Variants in PPP6R2 observed in about 807,000 individuals in gnomAD.
The protein encoded by PPP6R2 is serine/threonine-protein phosphatase 6 regulatory subunit 2.
A neutral mutation model predicts 100.2 loss-of-function variants in PPP6R2; 62 were observed. The observed-to-expected ratio is 0.62, with a 90% confidence interval of 0.50 to 0.76. The LOEUF (loss-of-function observed/expected upper bound fraction) is 0.76. Ranked by LOEUF, PPP6R2 falls within the 30% of genes least tolerant of loss-of-function variation. The probability of loss-of-function intolerance (pLI) is 0.00; values close to 1 mark genes in which losing one functional copy is unlikely to be tolerated. For synonymous variants in PPP6R2, 525 were observed against 514.7 expected (o/e 1.02, Z -0.27); for missense variants, 1,142 against 1,276.3 (o/e 0.89, Z 1.60).
chr22:50,336,231 AC>A, the PPP6R2 span, among the ~76,000 whole-genome samples: 3 of 151,808 alleles, frequency 2.0e-5, no homozygotes, highest in Admixed American at 2.0e-4. Context: ...CTCATGATCC[AC>A]CCACCTCGGC....
chr22:50,365,088 T>C (rs76987017), intron 1 of PPP6R2, among the ~76,000 whole-genome samples: 1 of 129,468 alleles, frequency 7.7e-6, no homozygotes, highest in East Asian at 2.1e-4. Flanking sequence ...TTTTTTTTTT[T>C]GAGACGGAGT....
At chr22:50,378,447 G>C (rs1420740343) in intron 2 of PPP6R2, among the ~76,000 whole-genome samples, 1 of 151,960 alleles carries the variant, frequency 6.6e-6, no homozygotes, top group Non-Finnish European at 1.5e-5. Context: ...TTAGCCAGAC[G>C]TGGTGGTGCA....
At chr22:50,357,197 G>A (rs1008612648) in intron 1 of PPP6R2, among the ~76,000 whole-genome samples, 8 of 152,060 alleles carry the variant, frequency 5.3e-5, no homozygotes, top group Non-Finnish European at 8.8e-5. Context: ...ATCTATTCAT[G>A]CTTTTACCCA....
At position 50,356,305 on chromosome 22, in the gene PPP6R2, CTTTTTT is replaced by C. The variant is rs542422707; in HGVS notation, c.-148+12767_-148+12772del. ...ACACAGAATGTACAGTCTATTTTTC[CTTTTTT>C]TTTTTTTTTTTGAGAGGGTGTCACT... On this transcript the variant is annotated intron_variant, in intron 1 of 23. Transcript: ENST00000612753. 1.6e-3 allele frequency among the ~76,000 whole-genome samples: 214 copies of C among 135,294 alleles called. 2 individuals carry two copies. Among genetic ancestry groups the C allele is most frequent in the African/African-American group, 5.7e-3 (210 of 36,566 alleles). 88.8% of individuals were successfully genotyped at this position (135,294 alleles called of 152,430 possible).
At chr22:50,443,054 A>G (rs895384696) in intron 22 of PPP6R2, 12 of 151,930 alleles carry the variant, frequency 7.9e-5, no homozygotes, top group Admixed American at 1.3e-4. Flanking sequence ...AGTCCCAGCT[A>G]CTTGGGAGGC....
chr22:50,444,397 A>G lies in PPP6R2; in HGVS notation c.*150A>G. The G allele has an allele frequency of 9.3e-7, 1 of 1,075,342 alleles. No individual in the cohort carries two copies. Among genetic ancestry groups the G allele is most frequent in the East Asian group, 2.6e-5 (1 of 38,010 alleles). 66.6% of individuals were successfully genotyped at this position (1,075,342 alleles called of 1,614,324 possible). A position where few individuals can be genotyped will look rare whatever the true frequency, so the allele number is the denominator to read the frequency against. On this transcript the variant is annotated 3_prime_UTR_variant, in exon 24 of 24. Transcript: ENST00000612753. ...AAAGCTGGCAGTTGAAACCAGTTGG[A>G]CGGCCCAGCTTGCGTCTCTTCTGCC...
intron 1 of PPP6R2, among the ~76,000 whole-genome samples, chr22:50,355,806 C>T (rs940586145): frequency 6.6e-6 from 1 of 151,280 alleles, no homozygotes; most frequent in Non-Finnish European, 1.5e-5. Flanking sequence ...CAGGGGTGAG[C>T]CACTGCGCCT....
At chr22:50,362,470 A>G (rs576734826) in intron 1 of PPP6R2, among the ~76,000 whole-genome samples, 1 of 152,260 alleles carries the variant, frequency 6.6e-6, no homozygotes, top group East Asian at 1.9e-4. Context: ...AGCTCTTCTC[A>G]GCCCGTCGCT....
At chr22:50,392,599 A>C (rs760906853) in intron 2 of PPP6R2, among the ~76,000 whole-genome samples, 2 of 152,214 alleles carry the variant, frequency 1.3e-5, no homozygotes, top group African/African-American at 4.8e-5. Context: ...GGAAAGTGCC[A>C]TCTGCATGGG....
chr22:50,336,542 A>G, the PPP6R2 span, among the ~76,000 whole-genome samples: 2 of 151,698 alleles, frequency 1.3e-5, no homozygotes, highest in African/African-American at 4.8e-5. Flanking sequence ...TGCCCAGCTA[A>G]TTTTTGTGTT....
At chr22:50,442,401 G>T (rs1029013545) in intron 22 of PPP6R2, among the ~76,000 whole-genome samples, 2 of 152,250 alleles carry the variant, frequency 1.3e-5, no homozygotes, top group Non-Finnish European at 2.9e-5. Context: ...GGCATCTGCA[G>T]CAAGTGGGGG....
the PPP6R2 span, among the ~76,000 whole-genome samples, chr22:50,337,745 G>A: frequency 3.4e-5 from 5 of 146,374 alleles, no homozygotes; most frequent in Admixed American, 1.4e-4. Flanking sequence ...AGTGTGTGTG[G>A]TATGTGGAGT....
intron 5 of PPP6R2, 109 bp downstream of exon 5, chr22:50,414,798 C>T (rs930780830): frequency 4.7e-6 from 6 of 1,268,342 alleles, no homozygotes; most frequent in Admixed American, 2.5e-5. Flanking sequence ...CATCTCTCCA[C>T]CTAGCGTGCA....
In PPP6R2 at chr22:50,431,142, AAG is replaced by A. The variant is rs757191133; in HGVS notation, c.1126-29_1126-28del. 3 of 1,552,120 alleles carry A rather than the reference AAG, an allele frequency of 1.9e-6. No homozygotes were observed. The highest frequency in any genetic ancestry group is 3.4e-5 in the Admixed American group (2 of 59,438). On this transcript the variant is annotated intron_variant, in intron 10 of 23. Transcript: ENST00000612753. The surrounding 1 kb of genome is among the most constrained non-coding windows in gnomAD (Gnocchi z 4.8). ...GTAGCCGGCAGGAGAAAACCGATCT[AAG>A]AACTGTCTTCTGTCCTCTGTTTACC...
At chr22:50,428,002 G>A (rs767303330) in intron 10 of PPP6R2, among the ~76,000 whole-genome samples, 2 of 151,198 alleles carry the variant, frequency 1.3e-5, no homozygotes, top group African/African-American at 2.4e-5. Context: ...TTATAGGCGT[G>A]AGCCACCACG....
intron 21 of PPP6R2, 52 bp downstream of exon 21, chr22:50,440,101 AG>A (rs2065238448): frequency 6.6e-7 from 1 of 1,509,438 alleles, no homozygotes; most frequent in Admixed American, 1.8e-5. Context: ...TTAAGGCCTG[AG>A]GCCAGCTGGC....
intron 2 of PPP6R2, among the ~76,000 whole-genome samples, chr22:50,379,313 T>G (rs2052369125): frequency 6.6e-6 from 1 of 151,860 alleles, no homozygotes; most frequent in Non-Finnish European, 1.5e-5. Context: ...CTGGGTGATG[T>G]GGTGAAACCC....
intron 2 of PPP6R2, among the ~76,000 whole-genome samples, chr22:50,374,955 A>G (rs1323914285): frequency 6.6e-6 from 1 of 151,220 alleles, no homozygotes; most frequent in Admixed American, 6.6e-5. Context: ...AAACAAACCC[A>G]CACCCATACA....
intron 4 of PPP6R2, among the ~76,000 whole-genome samples, chr22:50,410,586 C>A (rs113689350): frequency 1.4e-4 from 21 of 147,292 alleles, no homozygotes; most frequent in Non-Finnish European, 2.8e-4. Context: ...AAGCGATTCT[C>A]ATGGATTCTC....
Sources: allele counts gnomAD v4.1 joint callset (sites outside exome capture counted in the v4.1 genomes callset), GRCh38; gene constraint gnomAD v4.1.1; non-coding constraint Gnocchi (gnomAD v3.1); transcripts MANE v1.5; gene names NCBI Gene and HGNC (gene_info 2026-07-23, HGNC 2026-07-21).